PARP10: variants seen among roughly 807,000 people sequenced by gnomAD.
PARP10 encodes poly(ADP-ribose) polymerase family member 10.
A neutral mutation model predicts 82.4 loss-of-function variants in PARP10; 56 were observed. The observed-to-expected ratio is 0.68, with a 90% CI of 0.55 to 0.85. The LOEUF (loss-of-function observed/expected upper bound fraction) is 0.85. PARP10 is among the 40% of genes least tolerant of loss of function. PARP10 has a pLI of 0.00. For missense variants in PARP10, 1,227 were observed against 1,379.4 expected (o/e 0.89, Z 1.75); for synonymous variants, 576 against 601.1 (o/e 0.96, Z 0.61).
At position 143,984,238 on chromosome 8, in the gene PARP10, G is replaced by A. The variant is rs1554748566; in HGVS notation, c.1652C>T (p.Thr551Ile). Reference sequence around the variant, plus strand: ...TTCAAGGCCTGTGTCCAACGTGGCTGTGGCCAGGCGCTCTGTCCCAAAGAC... The same window carrying A: ...TTCAAGGCCTGTGTCCAACGTGGCTATGGCCAGGCGCTCTGTCCCAAAGAC... ...QCVFGTERLA[T>I]ATLDTGLEEV... Residue 551 changes from threonine to isoleucine, a missense_variant, in exon 6 of 11, where the codon ACA (threonine) becomes ATA (isoleucine). Thr to Ile is a moderately conservative substitution (Grantham distance 89, BLOSUM62 -1). Coordinates refer to ENST00000313028, the MANE Select transcript of PARP10 (RefSeq NM_032789.5). The A allele has an allele frequency of 1.2e-6, 2 of 1,613,926 alleles. No homozygotes were observed. The highest frequency in any genetic ancestry group is 1.7e-6 in the Non-Finnish European group (2 of 1,179,868).
intron 1 of PARP10, among the ~76,000 whole-genome samples, chr8:143,998,322 GA>G (rs1410176204): frequency 2.0e-5 from 3 of 152,160 alleles, no homozygotes; most frequent in African/African-American, 7.2e-5. Flanking sequence ...GGGCAGATGT[GA>G]ACCAGACAGA....
chr8:143,977,414 G>C lies in PARP10; in HGVS notation c.*70C>G. 7.3e-7 allele frequency: 1 copy of C among 1,364,964 alleles called. No homozygotes were observed. The highest frequency in any genetic ancestry group is 9.8e-7 in the Non-Finnish European group (1 of 1,018,770). 84.6% of individuals were successfully genotyped at this position (1,364,964 alleles called of 1,614,324 possible). Reference sequence around the variant, plus strand: ...GGACAGCTCAGGCGGCCACAGTTGGGGGCGGGGAGCATCAGCCTGTGCGGA... The same window carrying C: ...GGACAGCTCAGGCGGCCACAGTTGGCGGCGGGGAGCATCAGCCTGTGCGGA... On this transcript the variant is annotated 3_prime_UTR_variant, in exon 11 of 11. Coordinates refer to ENST00000313028, the MANE Select transcript of PARP10 (RefSeq NM_032789.5).
At chr8:143,980,370 CA>C (rs1179827418) in intron 9 of PARP10, among the ~76,000 whole-genome samples, 1 of 30,416 alleles carries the variant, frequency 3.3e-5, no homozygotes, top group African/African-American at 9.3e-5. Context: ...ACTAAAAATA[CA>C]AAAAGTAGCT....
chr8:143,987,841 A>G (rs1554749701), upstream of PARP10, among the ~76,000 whole-genome samples: 1 of 152,038 alleles, frequency 6.6e-6, no homozygotes, highest in Non-Finnish European at 1.5e-5. Context: ...CAGTGAGCTG[A>G]GATCGTGCCA....
rs186014735 is a variant in PARP10 at position 143,980,244 on chromosome 8, C to T, written c.2557-2163G>A. Among the ~76,000 whole-genome samples the T allele has an allele frequency of 2.7e-3, 356 of 132,868 alleles. 2 individuals are homozygous for T. The highest frequency in any genetic ancestry group is 9.2e-3 in the African/African-American group (337 of 36,448). 87.2% of individuals were successfully genotyped at this position (132,868 alleles called of 152,430 possible). A position where few individuals can be genotyped will look rare whatever the true frequency, so the allele number is the denominator to read the frequency against. ...CTGAGGCAGGAGAATGGCGTGAACCCGGGAGGCAGAGCTTGCAGTGAGCTG... is the reference window on the plus strand; with the variant it reads ...CTGAGGCAGGAGAATGGCGTGAACCTGGGAGGCAGAGCTTGCAGTGAGCTG... On this transcript the variant is annotated intron_variant, in intron 9 of 10. Coordinates refer to ENST00000313028, the MANE Select transcript of PARP10 (RefSeq NM_032789.5).
upstream of PARP10, among the ~76,000 whole-genome samples, chr8:143,994,465 C>T (rs1013106607): frequency 1.3e-4 from 20 of 152,356 alleles, no homozygotes; most frequent in East Asian, 2.7e-3. Flanking sequence ...CTAAAACCCT[C>T]GGTGGTGCCC....
chr8:143,982,760 C>T (rs1026575104), intron 9 of PARP10, among the ~76,000 whole-genome samples, 172 bp downstream of exon 9: 1 of 152,216 alleles, frequency 6.6e-6, no homozygotes, highest in Non-Finnish European at 1.5e-5. Context: ...CCTCCTGTTT[C>T]CCTACCCACT....
Position 143,977,560 on chromosome 8 carries a change from A to T in PARP10, c.3002T>A (p.Leu1001His). 6.4e-7 allele frequency: 1 copy of T among 1,571,272 alleles called. No homozygotes were observed. Among genetic ancestry groups the T allele is most frequent in the Non-Finnish European group, 8.6e-7 (1 of 1,158,706 alleles). The change falls in exon 11 of 11, where the codon CTC becomes CAC. Residue 1001 changes from leucine (L) to histidine (H), a missense_variant. By Grantham distance (99) the Leu-to-His change is moderately conservative. Coordinates refer to ENST00000313028, the MANE Select transcript of PARP10 (RefSeq NM_032789.5). ...FHDTQALPTH[L>H]ITCEHVPRAS... ...GCGGGGCACGTGCTCGCAGGTGATGAGGTGGGTGGGCAGCGCCTGGGTGTC... is the reference window on the plus strand; with the variant it reads ...GCGGGGCACGTGCTCGCAGGTGATGTGGTGGGTGGGCAGCGCCTGGGTGTC...
At chr8:143,987,229 C>G (rs1401327604), upstream of PARP10, 1 of 152,500 alleles carries the variant, frequency 6.6e-6, no homozygotes, top group Non-Finnish European at 1.5e-5. Context: ...CCACTCGCCA[C>G]AGATCTCCCA....
chr8:143,995,921 C>G (rs974792031), upstream of PARP10, among the ~76,000 whole-genome samples: 35 of 152,366 alleles, frequency 2.3e-4, no homozygotes, highest in Admixed American at 1.8e-3. Flanking sequence ...CTCTTCACAG[C>G]TGACAGCTCT....
chr8:144,005,045 G>C (rs1030305414), intron 1 of PARP10, among the ~76,000 whole-genome samples: 2 of 152,084 alleles, frequency 1.3e-5, no homozygotes, highest in Non-Finnish European at 2.9e-5. Flanking sequence ...CAGGCGTGGT[G>C]GTGGGCGCCT....
intron 9 of PARP10, among the ~76,000 whole-genome samples, chr8:143,982,260 T>G (rs897194251): frequency 1.4e-3 from 213 of 151,850 alleles, no homozygotes; most frequent in African/African-American, 4.6e-3. Flanking sequence ...ACGAGGTCAG[T>G]AGATCGAGAC....
intron 9 of PARP10, among the ~76,000 whole-genome samples, chr8:143,978,969 GTTTTTTT>G (rs5895791): frequency 2.1e-5 from 3 of 144,810 alleles, no homozygotes; most frequent in South Asian, 2.2e-4. Context: ...AACCCTGCAA[GTTTTTTT>G]TTTTTTTTTT....
Position 143,985,828 on chromosome 8 carries a change from T to G in PARP10, c.329A>C (p.Gln110Pro). Residue 110 changes from glutamine to proline, a missense_variant, in exon 3 of 11, where the codon CAG becomes CCG. Physicochemically the swap from Gln to Pro is moderately conservative, Grantham distance 76 (BLOSUM62 -1). Coordinates refer to ENST00000313028, the MANE Select transcript of PARP10 (RefSeq NM_032789.5). Reference sequence around the variant, plus strand: ...GAGCCCCGAGGCCCGCAGCAAGGCCTGGACATGCTGCTCCAAGCGCTGGGG... The same window carrying G: ...GAGCCCCGAGGCCCGCAGCAAGGCCGGGACATGCTGCTCCAAGCGCTGGGG... Reference protein sequence around the residue: ...TTPQRLEQHVQALLRASGLPV... With the variant: ...TTPQRLEQHVPALLRASGLPV... The G allele has an allele frequency of 1.2e-6, 2 of 1,611,496 alleles. No individual in the cohort carries two copies. The highest frequency in any genetic ancestry group is 1.7e-6 in the Non-Finnish European group (2 of 1,179,426).
chr8:144,011,127 C>T lies in PARP10; in HGVS notation c.-80+1403G>A, dbSNP rs1834278748. On this transcript the variant is annotated intron_variant, in intron 1 of 3. Coordinates refer to the PARP10 transcript ENST00000530478. The surrounding 1 kb of genome is among the most constrained non-coding windows in gnomAD (Gnocchi z 4.5). ...TTGACCAAACACCTGGACACTATAG[C>T]CTCACAAAATTGACACATAAAATGT... 6.6e-6 allele frequency among the ~76,000 whole-genome samples: 1 copy of T among 151,890 alleles called. No homozygotes were observed. The highest frequency in any genetic ancestry group is 1.5e-5 in the Non-Finnish European group (1 of 67,978).
rs782468685 is a variant in PARP10, at chr8:143,985,056, C to A, written c.946G>T (p.Gly316Cys). The A allele has an allele frequency of 2.5e-6, 4 of 1,613,698 alleles. No homozygotes were observed. Among genetic ancestry groups the A allele is most frequent in the East Asian group, 2.2e-5 (1 of 44,890 alleles). ...ASLRTGPMVQGRGIMTTGSGQ... is the reference protein window; with the variant it reads ...ASLRTGPMVQCRGIMTTGSGQ... ...GAGCCTGTTGTCATAATCCCTCTACCCTGCACCATGGGACCTGTCCTCAGA... is the reference window on the plus strand; with the variant it reads ...GAGCCTGTTGTCATAATCCCTCTACACTGCACCATGGGACCTGTCCTCAGA... The change falls in exon 5 of 11, where the codon GGT becomes TGT. Residue 316 changes from glycine to cysteine, a missense_variant. Transcript: ENST00000313028.
At position 143,984,120 on chromosome 8, in the gene PARP10, G is replaced by T; in HGVS notation, c.1681-16C>A. 1 of 1,560,870 alleles carries T rather than the reference G, an allele frequency of 6.4e-7. No homozygotes were observed. Among genetic ancestry groups the T allele is most frequent in the African/African-American group, 1.4e-5 (1 of 73,550 alleles). On this transcript the variant is annotated splice_polypyrimidine_tract_variant and intron_variant, in intron 6 of 10. Coordinates refer to ENST00000313028, the MANE Select transcript of PARP10 (RefSeq NM_032789.5). ...TAGGGTCCACCTGTAGGGAGAGGAT[G>T]TCAGGACCACTAGCCTCTGGGCAAG...
intron 1 of PARP10, among the ~76,000 whole-genome samples, chr8:143,996,767 G>C (rs1834167509): frequency 6.6e-6 from 1 of 152,208 alleles, no homozygotes; most frequent in African/African-American, 2.4e-5. Flanking sequence ...GGGGATGCAG[G>C]AGACACATTT....
chr8:143,982,887 G>A (rs782189478), intron 9 of PARP10, 45 bp downstream of exon 9: 2 of 1,604,502 alleles, frequency 1.2e-6, no homozygotes, highest in East Asian at 4.5e-5. Context: ...AATGGTGCAA[G>A]AGCCCAGGAC....
Sources: gnomAD v4.1 joint callset for allele counts (sites outside exome capture counted in the v4.1 genomes callset) on GRCh38, gnomAD v4.1.1 for gene constraint, Gnocchi (gnomAD v3.1) non-coding constraint, MANE v1.5 for transcripts, NCBI Gene and HGNC (gene_info 2026-07-23, HGNC 2026-07-21) for gene names.